AGBL2: variants seen among roughly 807,000 people sequenced by gnomAD.
AGBL2 encodes the protein AGBL carboxypeptidase 2.
In AGBL2, 87 loss-of-function variants were observed where a neutral mutation model predicts 103.0. The ratio of observed to expected loss-of-function variants is 0.84; its 90% CI spans 0.71 to 1.01. AGBL2 has a LOEUF of 1.01. AGBL2 is among the 50% of genes least tolerant of loss of function. The pLI is 0.00. For synonymous variants in AGBL2, 335 were observed against 356.7 expected, an observed-to-expected ratio of 0.94 and a Z score of 0.69; for missense variants, 904 against 1,023.5, an observed-to-expected ratio of 0.88 and a Z score of 1.59.
chr11:47,714,236 T>G (rs1204158163), intron 3 of AGBL2, 48 bp downstream of exon 3: 18 of 1,479,452 alleles, frequency 1.2e-5, no homozygotes, highest in Non-Finnish European at 1.7e-5. Context: ...GAAGCAATTT[T>G]CCTCTTGAGT....
chr11:47,691,729 A>AAAAATATATATATAT, intron 9 of AGBL2, among the ~76,000 whole-genome samples: 1 of 4,856 alleles, frequency 2.1e-4, no homozygotes, highest in Non-Finnish European at 3.6e-4. Context: ...AAAAAAAAAA[A>AAAAATATATATATAT]ATATATATAT....
intron 11 of AGBL2, among the ~76,000 whole-genome samples, chr11:47,683,599 T>C (rs986692186): frequency 1.3e-5 from 2 of 150,428 alleles, no homozygotes; most frequent in African/African-American, 4.9e-5. Context: ...TGAAACCCCG[T>C]CTCTACTAAA....
chr11:47,714,051 G>A, intron 3 of AGBL2: 2 of 511,504 alleles, frequency 3.9e-6, no homozygotes, highest in Non-Finnish European at 3.5e-6. Flanking sequence ...ACAGACCAAT[G>A]GAATAGAGAG....
intron 10 of AGBL2, among the ~76,000 whole-genome samples, chr11:47,689,304 T>TC (rs2097435828): frequency 1.1e-5 from 1 of 92,354 alleles, no homozygotes; most frequent in Non-Finnish European, 2.1e-5. Context: ...ACTTCTCAAT[T>TC]TTTTTTTTTT....
chr11:47,681,748 G>A (rs2097402236), intron 12 of AGBL2, among the ~76,000 whole-genome samples: 2 of 152,182 alleles, frequency 1.3e-5, no homozygotes, highest in African/African-American at 2.4e-5. Flanking sequence ...GTGAGCCACT[G>A]CGCCTGGCCT....
chr11:47,661,975 C>G (rs1262073966), intron 18 of AGBL2, among the ~76,000 whole-genome samples: 1 of 150,862 alleles, frequency 6.6e-6, no homozygotes, highest in Non-Finnish European at 1.5e-5. Context: ...TCTCGAACTC[C>G]TGACCTCAGG....
intron 8 of AGBL2, among the ~76,000 whole-genome samples, chr11:47,695,475 CA>C (rs56047450): frequency 1.1e-3 from 83 of 76,178 alleles, no homozygotes; most frequent in Admixed American, 1.9e-3. Flanking sequence ...AACTCTGTCT[CA>C]AAAAAAAAAA....
At chr11:47,678,338 A>ATTTTTTTTTTTTTTTT (rs1196435610) in intron 13 of AGBL2, among the ~76,000 whole-genome samples, 20 of 95,288 alleles carry the variant, frequency 2.1e-4, no homozygotes, top group Non-Finnish European at 3.5e-4. Flanking sequence ...TTATTTTATT[A>ATTTTTTTTTTTTTTTT]TTTTATTTTT....
intron 8 of AGBL2, among the ~76,000 whole-genome samples, 196 bp from the exon 9 acceptor site, chr11:47,692,452 C>T (rs1320304785): frequency 1.5e-5 from 2 of 130,992 alleles, no homozygotes; most frequent in African/African-American, 6.1e-5. Flanking sequence ...CACTCTGTCA[C>T]CCAGGCTGGA....
intron 3 of AGBL2, among the ~76,000 whole-genome samples, chr11:47,713,832 A>C (rs575250580): frequency 5.9e-5 from 9 of 151,668 alleles, no homozygotes; most frequent in African/African-American, 2.2e-4. Context: ...CTCGTGCTCC[A>C]CCCGTCTCGG....
chr11:47,668,357 C>T (rs1390328057), intron 15 of AGBL2, among the ~76,000 whole-genome samples: 5 of 139,740 alleles, frequency 3.6e-5, no homozygotes, highest in East Asian at 2.2e-4. Context: ...ATTAGCCGGG[C>T]GTGGTGGCAT....
intron 3 of AGBL2, among the ~76,000 whole-genome samples, chr11:47,711,478 T>G (rs1239960163): frequency 1.3e-5 from 2 of 152,208 alleles, no homozygotes; most frequent in African/African-American, 4.8e-5. Flanking sequence ...TTGGAGCTCA[T>G]TCGTTTCTCC....
intron 7 of AGBL2, among the ~76,000 whole-genome samples, chr11:47,701,103 T>G (rs899096206): frequency 6.6e-6 from 1 of 151,604 alleles, no homozygotes; most frequent in African/African-American, 2.4e-5. Flanking sequence ...TTAATACAAT[T>G]TAGTTTAAAC....
At chr11:47,689,686 CAT>C (rs1234490930) in intron 10 of AGBL2, among the ~76,000 whole-genome samples, 5 of 152,120 alleles carry the variant, frequency 3.3e-5, no homozygotes, top group Admixed American at 6.6e-5. Context: ...TTAAATGAGT[CAT>C]GTGTGTAATG....
At chr11:47,704,263 C>T (rs1467989193) in intron 7 of AGBL2, among the ~76,000 whole-genome samples, 2 of 151,972 alleles carry the variant, frequency 1.3e-5, no homozygotes, top group East Asian at 1.9e-4. Flanking sequence ...GGGCGGATCA[C>T]GAGGTCAGGA....
intron 5 of AGBL2, 92 bp downstream of exon 5, chr11:47,705,772 G>T: frequency 8.9e-7 from 1 of 1,119,466 alleles, no homozygotes; most frequent in Non-Finnish European, 1.4e-6. Context: ...ATTCCTGTCT[G>T]GTAATTCTTA....
intron 11 of AGBL2, among the ~76,000 whole-genome samples, chr11:47,682,617 T>TA (rs2097405607): frequency 6.6e-6 from 1 of 152,156 alleles, no homozygotes; most frequent in South Asian, 2.1e-4. Flanking sequence ...CTTACCCCCA[T>TA]AATCTCTGCC....
intron 16 of AGBL2, 50 bp downstream of exon 16, chr11:47,667,521 T>C (rs758407250): frequency 1.9e-6 from 3 of 1,599,536 alleles, no homozygotes; most frequent in Non-Finnish European, 1.7e-6. Flanking sequence ...TATCCCTCTA[T>C]GGAATGGTCT....
intron 8 of AGBL2, among the ~76,000 whole-genome samples, chr11:47,694,075 GT>G (rs2097458130): frequency 6.6e-6 from 1 of 152,062 alleles, no homozygotes; most frequent in South Asian, 2.1e-4. Flanking sequence ...GTGTGCACCT[GT>G]AGTCCCAGCT....
Sources: allele counts gnomAD v4.1 joint callset (sites outside exome capture counted in the v4.1 genomes callset), GRCh38; gene constraint gnomAD v4.1.1; transcripts MANE v1.5; gene names NCBI Gene and HGNC (gene_info 2026-07-23, HGNC 2026-07-21).